The following ATG4C variants were observed in gnomAD, a reference collection of about 807,000 sequenced individuals.
ATG4C encodes cysteine protease ATG4C.
ATG4C carries 56 observed loss-of-function variants against 57.6 expected under a neutral mutation model. The ratio of observed to expected loss-of-function variants is 0.97; its 90% CI spans 0.78 to 1.21. ATG4C has a LOEUF of 1.21. Among genes scored for constraint, ATG4C ranks in the 50% most tolerant of loss-of-function variants. The pLI is 0.00. For missense variants in ATG4C, 595 were observed against 529.8 expected, an observed-to-expected ratio of 1.12 and a Z score of -1.21; for synonymous variants, 157 against 174.1, an observed-to-expected ratio of 0.90 and a Z score of 0.78.
intron 6 of ATG4C, among the ~76,000 whole-genome samples, chr1:62,824,415 T>C (rs986093306): frequency 3.9e-5 from 6 of 152,152 alleles, no homozygotes; most frequent in Admixed American, 1.3e-4. Context: ...ATTTGGAATT[T>C]AAAGGAAAGA....
chr1:62,796,537 A>AG (rs1664474793), intron 1 of ATG4C, among the ~76,000 whole-genome samples: 1 of 152,110 alleles, frequency 6.6e-6, no homozygotes, highest in Non-Finnish European at 1.5e-5. Context: ...CTTAAAAAGG[A>AG]GAAAAAAAAT....
chr1:62,831,366 T>C (rs1419255413), intron 7 of ATG4C, among the ~76,000 whole-genome samples: 2 of 152,198 alleles, frequency 1.3e-5, no homozygotes, highest in South Asian at 2.1e-4. Flanking sequence ...TCAGCCGTTG[T>C]ATTTTTTCCT....
intron 6 of ATG4C, among the ~76,000 whole-genome samples, chr1:62,825,499 T>C (rs186891039): frequency 3.9e-5 from 6 of 152,314 alleles, no homozygotes; most frequent in Non-Finnish European, 8.8e-5. Context: ...CTCATCTCCT[T>C]GATCTCTAAA....
In ATG4C at chr1:62,800,750, A is replaced by C. The variant is rs556999898; in HGVS notation, c.-68-2969A>C. ...TTCATATCAGTTCACTGATTCCTTTAATAAATATTTTTGAGAACCAATTCT... is the reference window on the plus strand; with the variant it reads ...TTCATATCAGTTCACTGATTCCTTTCATAAATATTTTTGAGAACCAATTCT... On this transcript the variant is annotated intron_variant, in intron 1 of 10. Coordinates refer to ENST00000317868, the MANE Select transcript of ATG4C (RefSeq NM_032852.4). Among the ~76,000 whole-genome samples the C allele has an allele frequency of 4.2e-4, 64 of 152,320 alleles. 1 individual carries two copies. The South Asian group carries it at 0.012, about 29-fold the overall frequency.
chr1:62,790,778 A>T (rs561029919), intron 1 of ATG4C, among the ~76,000 whole-genome samples: 50 of 152,194 alleles, frequency 3.3e-4, no homozygotes, highest in Non-Finnish European at 3.8e-4. Context: ...TTATAATGAT[A>T]TTTAAAATTA....
At chr1:62,842,020 C>T (rs1666184944) in intron 10 of ATG4C, among the ~76,000 whole-genome samples, 1 of 152,010 alleles carries the variant, frequency 6.6e-6, no homozygotes, top group Admixed American at 6.6e-5. Context: ...GTGTTTTTAC[C>T]TTTCAGTAAG....
At chr1:62,854,071 T>A (rs1019941295) in intron 10 of ATG4C, among the ~76,000 whole-genome samples, 1 of 151,948 alleles carries the variant, frequency 6.6e-6, no homozygotes, top group African/African-American at 2.4e-5. Context: ...TTAGTTGTTA[T>A]TGATATTTTT....
chr1:62,789,842 A>T (rs930432132), intron 1 of ATG4C, among the ~76,000 whole-genome samples: 10 of 152,032 alleles, frequency 6.6e-5, no homozygotes, highest in African/African-American at 2.4e-4. Flanking sequence ...AAAGAAATGA[A>T]GATCTGGGTA....
intron 1 of ATG4C, among the ~76,000 whole-genome samples, chr1:62,803,276 T>A (rs1458390890): frequency 6.6e-6 from 1 of 152,182 alleles, no homozygotes; most frequent in Non-Finnish European, 1.5e-5. Flanking sequence ...GACTAATCAA[T>A]ATAAGTGGAA....
At chr1:62,784,396 G>A (rs1353471559) in intron 1 of ATG4C, 123 bp downstream of exon 1, 1 of 152,384 alleles carries the variant, frequency 6.6e-6, no homozygotes. Context: ...CAACCATCTG[G>A]GTTCTCTGAG....
intron 1 of ATG4C, 48 bp downstream of exon 1, chr1:62,784,321 G>C (rs1384136393): frequency 6.6e-6 from 1 of 152,380 alleles, no homozygotes; most frequent in East Asian, 1.9e-4. Flanking sequence ...TTGGGACTTA[G>C]CGTCTCTGGT....
At chr1:62,844,902 G>A (rs187140491) in intron 10 of ATG4C, among the ~76,000 whole-genome samples, 1 of 151,904 alleles carries the variant, frequency 6.6e-6, no homozygotes, top group Non-Finnish European at 1.5e-5. Flanking sequence ...AACCGTACAT[G>A]TTGATCTAGC....
chr1:62,802,681 C>G (rs1400721959), intron 1 of ATG4C, among the ~76,000 whole-genome samples: 2 of 152,106 alleles, frequency 1.3e-5, no homozygotes, highest in Non-Finnish European at 2.9e-5. Flanking sequence ...AATTTTTAAC[C>G]TGGTCTACAA....
chr1:62,816,577 G>A lies in ATG4C; in HGVS notation c.163G>A (p.Glu55Lys). The change falls in exon 4 of 11, where the codon GAA becomes AAA. Residue 55 changes from glutamate to lysine, a missense_variant and splice_region_variant. By Grantham distance (56) the Glu-to-Lys change is moderately conservative. Coordinates refer to ENST00000317868, the MANE Select transcript of ATG4C (RefSeq NM_032852.4). ...TAGACCGTATGTTTATTTTTTAGAT[G>A]AAGATAAAACGTTACCTGCAGAGTC... ...GKCYHFKYEDEDKTLPAESGC... is the reference protein window; with the variant it reads ...GKCYHFKYEDKDKTLPAESGC... 6.3e-7 allele frequency: 1 copy of A among 1,595,716 alleles called. No individual in the cohort carries two copies.
chr1:62,806,491 T>A (rs572222569), intron 3 of ATG4C, among the ~76,000 whole-genome samples: 1 of 152,034 alleles, frequency 6.6e-6, no homozygotes, highest in Non-Finnish European at 1.5e-5. Context: ...TAAAAACTTA[T>A]TAGAATTATT....
chr1:62,793,909 G>A (rs1218534922), intron 1 of ATG4C, among the ~76,000 whole-genome samples: 2 of 152,096 alleles, frequency 1.3e-5, no homozygotes, highest in African/African-American at 2.4e-5. Context: ...GGTTAACACC[G>A]TGAGTTAATA....
rs1290144224 is a variant in ATG4C at position 62,803,802 on chromosome 1, A to G, written c.16A>G (p.Thr6Ala). The change falls in exon 2 of 11, where the codon ACA (threonine) becomes GCA (alanine). Residue 6 changes from threonine to alanine, a missense_variant. By Grantham distance (58) the Thr-to-Ala change is moderately conservative. Transcript: ENST00000317868. MEATG[T>A]DEVDKLKTKF... is the part of the protein sequence containing the mutation. ...GAATTTGAATATGGAGGCTACAGGA[A>G]CAGATGAAGTTGACAAGCTAAAAAC... 6.2e-7 allele frequency: 1 copy of G among 1,607,322 alleles called. No homozygotes were observed. The highest frequency in any genetic ancestry group is 8.5e-7 in the Non-Finnish European group (1 of 1,176,252).
chr1:62,841,235 TA>T (rs1666156579), intron 9 of ATG4C, among the ~76,000 whole-genome samples, 192 bp from the exon 10 acceptor site: 1 of 152,200 alleles, frequency 6.6e-6, no homozygotes, highest in Non-Finnish European at 1.5e-5. Context: ...ATTAAATATA[TA>T]AAAATGTTGG....
At chr1:62,795,620 G>A (rs1211568831) in intron 1 of ATG4C, among the ~76,000 whole-genome samples, 1 of 152,068 alleles carries the variant, frequency 6.6e-6, no homozygotes, top group African/African-American at 2.4e-5. Flanking sequence ...CAGGTGATAA[G>A]GTTGTTGTAG....
Sources: allele counts gnomAD v4.1 joint callset (sites outside exome capture counted in the v4.1 genomes callset), GRCh38; gene constraint gnomAD v4.1.1; transcripts MANE v1.5; gene names NCBI Gene and HGNC (gene_info 2026-07-23, HGNC 2026-07-21).